Variants in EVL observed in about 807,000 individuals in gnomAD.
The protein encoded by EVL is Enah/Vasp-like.
In EVL, 21 loss-of-function variants were observed where a neutral mutation model predicts 59.6. That is an observed-to-expected ratio of 0.35 (90% CI 0.25 to 0.51). EVL has a LOEUF of 0.51. Among genes scored for constraint, EVL ranks in the 20% least tolerant of loss-of-function variants. The pLI, the probability that EVL is intolerant of heterozygous loss-of-function variation, is 0.97. For synonymous variants in EVL, 198 were observed against 203.5 expected (o/e 0.97, Z 0.23); for missense variants, 462 against 546.6 (o/e 0.85, Z 1.54).
At chr14:100,004,931 AT>A (rs1284612170) in intron 1 of EVL, among the ~76,000 whole-genome samples, 1 of 152,204 alleles carries the variant, frequency 6.6e-6, no homozygotes, top group East Asian at 1.9e-4. Context: ...AATATCTGTT[AT>A]TTAATTTAAC....
At chr14:100,010,972 C>G (rs536302433) in intron 1 of EVL, among the ~76,000 whole-genome samples, 2 of 152,228 alleles carry the variant, frequency 1.3e-5, no homozygotes, top group South Asian at 2.1e-4. Context: ...GAACATAGTG[C>G]CCTCCTCAAC....
Position 100,113,490 on chromosome 14 carries a change from T to A in EVL, c.359-10049T>A, listed in dbSNP as rs543579165. ...TAGCCCCTCAGGTGCGGAAATTAAG[T>A]CCCAGTGAAAGGAAGTGAGTAGCTG... On this transcript the variant is annotated intron_variant, in intron 3 of 13. Transcript: ENST00000392920. Among the ~76,000 whole-genome samples the A allele has an allele frequency of 5.9e-5, 9 of 152,086 alleles. No individual in the cohort carries two copies. The South Asian group carries it at 1.9e-3, about 32-fold the overall frequency.
chr14:100,047,045 G>A (rs898320423), intron 1 of EVL, among the ~76,000 whole-genome samples: 12 of 147,528 alleles, frequency 8.1e-5, no homozygotes, highest in Non-Finnish European at 1.2e-4. Flanking sequence ...GAGCCACCGC[G>A]CCCAGCAGGA....
rs949990638 is a variant in EVL, at chr14:100,127,638, TC to T, written c.487+869del. Among the ~76,000 whole-genome samples, 15 of 152,068 alleles carry T rather than the reference TC, an allele frequency of 9.9e-5. No homozygotes were observed. Among genetic ancestry groups the T allele is most frequent in the Admixed American group, 8.5e-4 (13 of 15,256 alleles). ...GCCTCGCAAGCACTTCCCATCCTTT[TC>T]CTCCTTCCTCACACTTGCCTCCCCC... On this transcript the variant is annotated intron_variant, in intron 5 of 13. Transcript: ENST00000392920. This position sits in a 1 kb window ranked among gnomAD's most constrained non-coding sequence, Gnocchi z 4.2.
chr14:100,092,519 G>C (rs1332251022), intron 2 of EVL, among the ~76,000 whole-genome samples: 1 of 152,182 alleles, frequency 6.6e-6, no homozygotes, highest in Non-Finnish European at 1.5e-5. Flanking sequence ...CAGATCACCT[G>C]AGGTCAGGGT....
At chr14:99,986,731 G>A (rs1197856903) in intron 1 of EVL, among the ~76,000 whole-genome samples, 3 of 152,214 alleles carry the variant, frequency 2.0e-5, no homozygotes, top group Non-Finnish European at 4.4e-5. Flanking sequence ...GTGCAATTCA[G>A]CATGTCTACA....
At position 100,097,584 on chromosome 14, in the gene EVL, C is replaced by A; in HGVS notation, c.284C>A (p.Ala95Glu). ...CGCCAGGTCTACGGCTTAAACTTTGCAAGTAAAGAAGAGGCAACCACGTTC... is the reference window on the plus strand; with the variant it reads ...CGCCAGGTCTACGGCTTAAACTTTGAAAGTAAAGAAGAGGCAACCACGTTC... Reference protein sequence around the residue: ...DARQVYGLNFASKEEATTFSN... With the variant: ...DARQVYGLNFESKEEATTFSN... Residue 95 changes from alanine (A) to glutamate (E), a missense_variant, in exon 3 of 14, where the codon GCA (alanine) becomes GAA (glutamate). Ala to Glu is a moderately radical substitution (Grantham distance 107, BLOSUM62 -1). Transcript: ENST00000392920. The A allele has an allele frequency of 6.2e-7, 1 of 1,614,112 alleles. No homozygotes were observed. The highest frequency in any genetic ancestry group is 1.6e-4 in the Middle Eastern group (1 of 6,062).
chr14:100,099,661 C>G (rs1292517133), intron 3 of EVL, among the ~76,000 whole-genome samples: 1 of 151,998 alleles, frequency 6.6e-6, no homozygotes, highest in Non-Finnish European at 1.5e-5. Flanking sequence ...CACCCAAGAG[C>G]CATGAGGTGA....
Position 100,102,477 on chromosome 14 carries a change from G to GT in EVL, c.358+4822dup, listed in dbSNP as rs1476544066. Reference sequence around the variant, plus strand: ...TTTAGGAGTTGTTATTGTTATTCGTGTTTGTCATTCCTTGGACCTTTCCTT... The same window carrying GT: ...TTTAGGAGTTGTTATTGTTATTCGTGTTTTGTCATTCCTTGGACCTTTCCTT... On this transcript the variant is annotated intron_variant, in intron 3 of 13. Transcript: ENST00000392920. The GT allele has an allele frequency of 1.4e-5, 6 of 425,742 alleles. No individual in the cohort carries two copies. The East Asian group carries it at 4.3e-4, about 31-fold the overall frequency. 26.4% of individuals were successfully genotyped at this position (425,742 alleles called of 1,614,324 possible).
intron 1 of EVL, among the ~76,000 whole-genome samples, chr14:100,047,149 T>G (rs1160932099): frequency 7.6e-6 from 1 of 131,500 alleles, no homozygotes; most frequent in Non-Finnish European, 1.6e-5. Flanking sequence ...TTTTTTTACC[T>G]GACCCCAGTT....
intron 1 of EVL, among the ~76,000 whole-genome samples, chr14:100,009,545 T>G (rs77546237): frequency 7.9e-5 from 12 of 152,238 alleles, no homozygotes; most frequent in Non-Finnish European, 1.8e-4. Flanking sequence ...TTTATTTGTT[T>G]ATTCAATCAT....
intron 8 of EVL, among the ~76,000 whole-genome samples, chr14:100,133,691 A>C (rs1423918731): frequency 1.3e-5 from 2 of 152,230 alleles, no homozygotes; most frequent in Non-Finnish European, 2.9e-5. Flanking sequence ...TAGTCCCAGC[A>C]CTTTGGGAGG....
At position 100,076,923 on chromosome 14, in the gene EVL, A is replaced by G. The variant is rs577526806; in HGVS notation, c.12-7764A>G. 4.7e-4 allele frequency among the ~76,000 whole-genome samples: 72 copies of G among 152,348 alleles called. 1 individual carries two copies. Among genetic ancestry groups the G allele is most frequent in the Non-Finnish European group, 8.2e-4 (56 of 68,034 alleles). On this transcript the variant is annotated intron_variant, in intron 1 of 13. Coordinates refer to ENST00000392920, the MANE Select transcript of EVL (RefSeq NM_016337.3). ...CCACATGGGGTCAGGTGCTGCTCCA[A>G]GTGCTTACACATGTTAAGTCTTAAT...
At chr14:100,063,815 A>C (rs1471419093), upstream of EVL, among the ~76,000 whole-genome samples, 1 of 152,222 alleles carries the variant, frequency 6.6e-6, no homozygotes, top group Non-Finnish European at 1.5e-5. Flanking sequence ...CTGGGCCATA[A>C]CGCACATTTT....
At chr14:100,065,136 A>C (rs752226710), upstream of EVL, 70 of 161,952 alleles carry the variant, frequency 4.3e-4, no homozygotes, top group Non-Finnish European at 4.0e-4. Context: ...GGGGGCCAGC[A>C]CCATGACCTG....
At chr14:100,102,305 T>C (rs1333125627) in intron 3 of EVL, 3 of 455,958 alleles carry the variant, frequency 6.6e-6, no homozygotes, top group Admixed American at 2.4e-5. Flanking sequence ...TCTCCCCAGG[T>C]GCGTGCATCC....
At chr14:99,979,251 A>C (rs542817440) in intron 1 of EVL, among the ~76,000 whole-genome samples, 42 of 152,176 alleles carry the variant, frequency 2.8e-4, no homozygotes, top group African/African-American at 1.0e-3. Context: ...ACAACAACAA[A>C]AAAACCCACC....
chr14:100,131,178 CA>C (rs1250233350), intron 7 of EVL, among the ~76,000 whole-genome samples: 1 of 152,110 alleles, frequency 6.6e-6, no homozygotes, highest in Non-Finnish European at 1.5e-5. Flanking sequence ...GGATGGGCCA[CA>C]GAGAAATAGA....
chr14:100,117,079 C>T (rs1342149923), intron 3 of EVL, among the ~76,000 whole-genome samples: 1 of 152,200 alleles, frequency 6.6e-6, no homozygotes, highest in Admixed American at 6.5e-5. Context: ...GCTGCCAGGC[C>T]AGCACAGAGA....
Sources: gnomAD v4.1 joint callset for allele counts (sites outside exome capture counted in the v4.1 genomes callset) on GRCh38, gnomAD v4.1.1 for gene constraint, Gnocchi (gnomAD v3.1) non-coding constraint, MANE v1.5 for transcripts, NCBI Gene and HGNC (gene_info 2026-07-23, HGNC 2026-07-21) for gene names.